Variants in KIAA2012 observed in about 807,000 individuals in gnomAD.
KIAA2012 encodes the protein KIAA2012, also known as uncharacterized protein KIAA2012.
A neutral mutation model predicts 150.6 loss-of-function variants in KIAA2012; 125 were observed. The ratio of observed to expected loss-of-function variants is 0.83; its 90% CI spans 0.72 to 0.96. The LOEUF (loss-of-function observed/expected upper bound fraction) is 0.96, where lower values mean the gene tolerates loss of function less well. Ranked by LOEUF, KIAA2012 falls within the 40% of genes least tolerant of loss-of-function variation. The pLI is 0.00. For missense variants in KIAA2012, 1,219 were observed against 1,354.9 expected, an observed-to-expected ratio of 0.90 and a Z score of 1.57; for synonymous variants, 462 against 504.7, an observed-to-expected ratio of 0.92 and a Z score of 1.13.
chr2:202,150,475 G>GT (rs1210361975), intron 13 of KIAA2012, among the ~76,000 whole-genome samples: 5 of 151,008 alleles, frequency 3.3e-5, no homozygotes, highest in African/African-American at 1.2e-4. Flanking sequence ...TTGAGACAGA[G>GT]TCTCGCTCTG....
intron 15 of KIAA2012, among the ~76,000 whole-genome samples, chr2:202,176,182 T>C (rs1317533438): frequency 6.6e-6 from 1 of 151,464 alleles, no homozygotes; most frequent in East Asian, 1.9e-4. Flanking sequence ...ACACAAACCA[T>C]AAAGAAAATT....
chr2:202,172,087 T>C (rs1051619772), intron 15 of KIAA2012, among the ~76,000 whole-genome samples: 3 of 152,214 alleles, frequency 2.0e-5, no homozygotes, highest in African/African-American at 4.8e-5. Context: ...CCTCCCAAAC[T>C]GTTGGGATTA....
At chr2:202,106,792 T>C (rs1690207427) in intron 9 of KIAA2012, among the ~76,000 whole-genome samples, 1 of 152,176 alleles carries the variant, frequency 6.6e-6, no homozygotes, top group Non-Finnish European at 1.5e-5. Context: ...TGGGTGCATC[T>C]AAGTGTTTGT....
intron 2 of KIAA2012, among the ~76,000 whole-genome samples, chr2:202,077,315 GA>G (rs965027744): frequency 6.6e-6 from 1 of 152,194 alleles, no homozygotes; most frequent in African/African-American, 2.4e-5. Context: ...TCACTGCCCA[GA>G]GTAAGAATAC....
intron 22 of KIAA2012, among the ~76,000 whole-genome samples, chr2:202,198,197 A>AG (rs1692448396): frequency 6.6e-6 from 1 of 150,412 alleles, no homozygotes; most frequent in Non-Finnish European, 1.5e-5. Flanking sequence ...AAAAAAAAAA[A>AG]GGATTTGATA....
intron 21 of KIAA2012, 103 bp downstream of exon 21, chr2:202,194,465 G>A: frequency 8.3e-7 from 1 of 1,204,554 alleles, no homozygotes; most frequent in Non-Finnish European, 1.1e-6. Context: ...GCCTTAGTGT[G>A]TTAAGCACTC....
At chr2:202,089,588 T>C (rs987230563) in intron 2 of KIAA2012, among the ~76,000 whole-genome samples, 2 of 152,234 alleles carry the variant, frequency 1.3e-5, no homozygotes, top group Non-Finnish European at 2.9e-5. Flanking sequence ...GAGACTTCCT[T>C]AGCCAAAGGG....
chr2:202,158,079 C>T (rs901342661), intron 14 of KIAA2012, among the ~76,000 whole-genome samples: 1 of 152,162 alleles, frequency 6.6e-6, no homozygotes, highest in African/African-American at 2.4e-5. Context: ...ACTGCAAGCT[C>T]CCCCTCCTGG....
At chr2:202,181,258 C>A (rs115954109) in intron 15 of KIAA2012, among the ~76,000 whole-genome samples, 6,030 of 152,244 alleles carry the variant, frequency 0.04, 345 homozygotes, top group African/African-American at 0.13. Flanking sequence ...ACATAAGCTA[C>A]CACATCTAGC....
intron 18 of KIAA2012, among the ~76,000 whole-genome samples, chr2:202,189,269 C>T (rs993603245): frequency 6.6e-6 from 1 of 151,896 alleles, no homozygotes; most frequent in Non-Finnish European, 1.5e-5. Flanking sequence ...GTCCTGCCCC[C>T]ACCATAAGTC....
rs1691490681 is a variant in KIAA2012 at position 202,154,769 on chromosome 2, T to C, written c.2005T>C (p.Tyr669His). ...GATATGTTCAAACAGAAAAGAATTT[T>C]ACACGCGCAAGCTGCACATCGACAT... Reference protein sequence around the residue: ...ALICSNRKEFYTRKLHIDMTP... With the variant: ...ALICSNRKEFHTRKLHIDMTP... The change falls in exon 14 of 24, where the codon TAC (tyrosine) becomes CAC (histidine). Residue 669 changes from tyrosine to histidine, a missense_variant. Physicochemically the swap from Tyr to His is moderately conservative, Grantham distance 83. Coordinates refer to ENST00000498697, the MANE Select transcript of KIAA2012 (RefSeq NM_001277372.4). The C allele has an allele frequency of 6.5e-7, 1 of 1,549,998 alleles. No homozygotes were observed. Among genetic ancestry groups the C allele is most frequent in the African/African-American group, 1.4e-5 (1 of 73,018 alleles).
intron 12 of KIAA2012, among the ~76,000 whole-genome samples, chr2:202,127,185 C>T (rs780640022): frequency 2.6e-5 from 4 of 152,056 alleles, no homozygotes; most frequent in African/African-American, 4.8e-5. Context: ...GCCTGTTTAC[C>T]GGCTAGCTCT....
At chr2:202,157,680 A>G (rs1054442333) in intron 14 of KIAA2012, among the ~76,000 whole-genome samples, 5 of 152,230 alleles carry the variant, frequency 3.3e-5, no homozygotes, top group Non-Finnish European at 7.3e-5. Flanking sequence ...TAAGTAACTT[A>G]CCGAATGTCA....
intron 3 of KIAA2012, among the ~76,000 whole-genome samples, chr2:202,091,171 C>T (rs1040407172): frequency 7.2e-5 from 11 of 152,366 alleles, no homozygotes; most frequent in African/African-American, 2.6e-4. Context: ...CCCTTGCCCT[C>T]AGCAGCCTCA....
In KIAA2012 at chr2:202,201,289, A is replaced by C. The variant is rs1692518516; in HGVS notation, c.3408-1140A>C. The C allele has an allele frequency of 1.1e-5, 18 of 1,578,806 alleles. No homozygotes were observed. The South Asian group carries it at 2.0e-4, about 18-fold the overall frequency. Reference sequence around the variant, plus strand: ...TCCCAACAACATGTGTCTAAACTGCAACTTCAGGTTAATATGACTACAGCA... The same window carrying C: ...TCCCAACAACATGTGTCTAAACTGCCACTTCAGGTTAATATGACTACAGCA... On this transcript the variant is annotated intron_variant, in intron 22 of 23. Coordinates refer to ENST00000498697, the MANE Select transcript of KIAA2012 (RefSeq NM_001277372.4).
At chr2:202,170,611 G>A (rs375987174) in intron 15 of KIAA2012, among the ~76,000 whole-genome samples, 2 of 152,234 alleles carry the variant, frequency 1.3e-5, no homozygotes, top group African/African-American at 4.8e-5. Context: ...TGTGCAGACA[G>A]CTCCAGTGAG....
At chr2:202,204,665 C>A (rs1366996606) in intron 23 of KIAA2012, among the ~76,000 whole-genome samples, 1 of 152,054 alleles carries the variant, frequency 6.6e-6, no homozygotes, top group Non-Finnish European at 1.5e-5. Flanking sequence ...CCCAGAAATC[C>A]AACCTATTTG....
chr2:202,165,474 C>A (rs1691738075), intron 15 of KIAA2012, 118 bp downstream of exon 15: 1 of 995,682 alleles, frequency 1.0e-6, no homozygotes, highest in Non-Finnish European at 1.5e-6. Context: ...GTAGTCCCAG[C>A]ACTTTGTGAG....
intron 12 of KIAA2012, among the ~76,000 whole-genome samples, chr2:202,133,110 A>AAAAAAAAAAATATATC (rs61105544): frequency 1.4e-5 from 1 of 70,286 alleles, no homozygotes. Flanking sequence ...CTAAAAAAAA[A>AAAAAAAAAAATATATC]TATATATATA....
Sources: allele counts gnomAD v4.1 joint callset (sites outside exome capture counted in the v4.1 genomes callset), GRCh38; gene constraint gnomAD v4.1.1; transcripts MANE v1.5; gene names NCBI Gene and HGNC (gene_info 2026-07-23, HGNC 2026-07-21).